The following ROBO2 variants were observed in gnomAD, a reference collection of about 807,000 sequenced individuals.
The protein encoded by ROBO2 is roundabout guidance receptor 2.
Under a neutral mutation model 160.8 loss-of-function variants are expected in ROBO2, and 53 were observed. The ratio of observed to expected loss-of-function variants is 0.33; its 90% CI spans 0.26 to 0.41. ROBO2 has a LOEUF of 0.41. ROBO2 is among the 10% of genes least tolerant of loss of function. The pLI is 1.00. For synonymous variants in ROBO2, 664 were observed against 611.7 expected, an observed-to-expected ratio of 1.09 and a Z score of -1.26; for missense variants, 1,577 against 1,722.4, an observed-to-expected ratio of 0.92 and a Z score of 1.49.
At position 76,023,835 on chromosome 3, in the gene ROBO2, A is replaced by G. The variant is rs1363366969; in HGVS notation, c.109+86233A>G. The stretch of plus-strand genomic sequence containing the variant: ...GGCTGGCCACAAACCTTCAATTTGT[A>G]AAAAACACAGTATCTACAAGAAAAG... On this transcript the variant is annotated intron_variant, in intron 2 of 26. Coordinates refer to the ROBO2 transcript ENST00000487694. Among the ~76,000 whole-genome samples the G allele has an allele frequency of 3.3e-5, 5 of 151,498 alleles. No homozygotes were observed. In the South Asian group the frequency reaches 6.2e-4, roughly 19 times the overall value.
intron 2 of ROBO2, among the ~76,000 whole-genome samples, chr3:76,144,829 G>A (rs147151496): frequency 9.9e-5 from 15 of 152,070 alleles, no homozygotes; most frequent in Non-Finnish European, 2.1e-4. Context: ...CCTGAAAAGA[G>A]TTCCATGGCT....
At chr3:76,694,796 C>A (rs986026159) in intron 2 of ROBO2, among the ~76,000 whole-genome samples, 1 of 152,146 alleles carries the variant, frequency 6.6e-6, no homozygotes, top group South Asian at 2.1e-4. Flanking sequence ...ACCATGTTAT[C>A]CTTTCATAAT....
At chr3:76,217,816 G>A (rs569190884) in intron 2 of ROBO2, among the ~76,000 whole-genome samples, 10 of 152,206 alleles carry the variant, frequency 6.6e-5, no homozygotes, top group Admixed American at 1.3e-4. Flanking sequence ...ATTTTATGAG[G>A]CCAGCATCAT....
intron 2 of ROBO2, among the ~76,000 whole-genome samples, chr3:76,866,838 G>A (rs985726622): frequency 3.9e-5 from 6 of 152,028 alleles, no homozygotes; most frequent in Admixed American, 2.0e-4. Flanking sequence ...ATCCACACTC[G>A]CTGTAAGTAG....
At chr3:76,429,116 A>G (rs556082341) in intron 2 of ROBO2, among the ~76,000 whole-genome samples, 1 of 152,134 alleles carries the variant, frequency 6.6e-6, no homozygotes, top group East Asian at 1.9e-4. Flanking sequence ...GGATCCAAAC[A>G]TTAATAAGAT....
intron 2 of ROBO2, among the ~76,000 whole-genome samples, chr3:77,434,347 C>T (rs2079079390): frequency 6.6e-6 from 1 of 152,064 alleles, no homozygotes; most frequent in Non-Finnish European, 1.5e-5. Flanking sequence ...GTATTCACAA[C>T]TGTAATTAAG....
chr3:76,682,111 G>A (rs536756347), intron 2 of ROBO2, among the ~76,000 whole-genome samples: 6 of 152,260 alleles, frequency 3.9e-5, no homozygotes, highest in East Asian at 1.9e-4. Context: ...AAATATTTTT[G>A]TATGTGGTAT....
At chr3:77,363,593 C>T (rs547047369) in intron 2 of ROBO2, among the ~76,000 whole-genome samples, 14 of 151,956 alleles carry the variant, frequency 9.2e-5, no homozygotes, top group African/African-American at 2.4e-4. Context: ...AATGGACAGC[C>T]GTCTAGAAAT....
chr3:76,835,598 A>G (rs568659209), intron 2 of ROBO2, among the ~76,000 whole-genome samples: 25 of 151,766 alleles, frequency 1.6e-4, no homozygotes, highest in African/African-American at 6.0e-4. Context: ...AACCACTTTG[A>G]GTCTTAATTG....
At chr3:77,006,716 A>G (rs2061599639) in intron 2 of ROBO2, among the ~76,000 whole-genome samples, 3 of 152,044 alleles carry the variant, frequency 2.0e-5, no homozygotes, top group Admixed American at 2.0e-4. Flanking sequence ...GTCTAAATCC[A>G]AGGCCTAAGA....
At chr3:77,316,232 G>A (rs1580995811) in intron 2 of ROBO2, among the ~76,000 whole-genome samples, 2 of 152,200 alleles carry the variant, frequency 1.3e-5, no homozygotes, top group East Asian at 1.9e-4. Flanking sequence ...AAAATGGCAC[G>A]GAAGAAACAG....
chr3:76,670,830 G>C (rs892161047), intron 2 of ROBO2, among the ~76,000 whole-genome samples: 1 of 151,360 alleles, frequency 6.6e-6, no homozygotes, highest in African/African-American at 2.4e-5. Flanking sequence ...CTTTAGAGAT[G>C]ATTTTATTAT....
rs184330114 is a variant in ROBO2, at chr3:76,110,706, G to A, written c.109+173104G>A. Among the ~76,000 whole-genome samples the A allele has an allele frequency of 1.1e-3, 161 of 151,978 alleles. 1 individual carries two copies. Among genetic ancestry groups the A allele is most frequent in the Non-Finnish European group, 2.1e-3 (141 of 67,944 alleles). ...AACTTTGAAAATATAGATGGAAAAG[G>A]CATTTATGGTACTAATAAAATGTAA... On this transcript the variant is annotated intron_variant, in intron 2 of 26. Transcript: ENST00000487694.
At chr3:77,558,010 G>C in exon 9 of ROBO2, 2 of 1,613,184 alleles carry the variant, frequency 1.2e-6, no homozygotes, top group East Asian at 4.5e-5. Flanking sequence ...GCAGTGGATG[G>C]TACAGCGTTA....
intron 1 of ROBO2, among the ~76,000 whole-genome samples, chr3:77,062,370 C>T (rs2066411946): frequency 6.6e-6 from 1 of 151,948 alleles, no homozygotes; most frequent in Admixed American, 6.6e-5. Flanking sequence ...GAATGCAGTG[C>T]AGTTTCTATT....
At chr3:76,583,254 T>C (rs2085820390) in intron 2 of ROBO2, among the ~76,000 whole-genome samples, 1 of 152,186 alleles carries the variant, frequency 6.6e-6, no homozygotes, top group Non-Finnish European at 1.5e-5. Context: ...ATCTGACTCA[T>C]GAGTGATGCT....
At chr3:77,261,371 A>G (rs2153335022) in intron 2 of ROBO2, among the ~76,000 whole-genome samples, 1 of 152,270 alleles carries the variant, frequency 6.6e-6, no homozygotes, top group South Asian at 2.1e-4. Context: ...ACTTTAAATA[A>G]GAAAGAGCTG....
rs2065135335 is a variant in ROBO2, at chr3:77,324,366, C to G, written c.389-153048C>G. ...AAAACTGCATCTGTGAGTAATGCTACTTACTGGCAAAATAGGACTGTGACC... is the reference window on the plus strand; with the variant it reads ...AAAACTGCATCTGTGAGTAATGCTAGTTACTGGCAAAATAGGACTGTGACC... On this transcript the variant is annotated intron_variant, in intron 2 of 25. Transcript: ENST00000461745. 2.0e-5 allele frequency among the ~76,000 whole-genome samples: 3 copies of G among 152,284 alleles called. No individual in the cohort carries two copies. In the South Asian group the frequency reaches 6.2e-4, roughly 32 times the overall value.
At chr3:76,869,498 C>T (rs1038253974) in intron 2 of ROBO2, among the ~76,000 whole-genome samples, 4 of 151,614 alleles carry the variant, frequency 2.6e-5, no homozygotes, top group Non-Finnish European at 5.9e-5. Flanking sequence ...TACAGGCTCC[C>T]GACACCACGC....
Sources: gnomAD v4.1 joint callset for allele counts (sites outside exome capture counted in the v4.1 genomes callset) on GRCh38, gnomAD v4.1.1 for gene constraint, MANE v1.5 for transcripts, NCBI Gene and HGNC (gene_info 2026-07-23, HGNC 2026-07-21) for gene names.